Variants in PPP6R3 observed in about 807,000 individuals in gnomAD.
PPP6R3 encodes serine/threonine-protein phosphatase 6 regulatory subunit 3.
A neutral mutation model predicts 110.7 loss-of-function variants in PPP6R3; 38 were observed. The ratio of observed to expected loss-of-function variants is 0.34; its 90% CI spans 0.26 to 0.45. PPP6R3 has a LOEUF of 0.45. PPP6R3 is among the 20% of genes least tolerant of loss of function. PPP6R3 has a pLI of 1.00. For missense variants in PPP6R3, 870 were observed against 1,062.4 expected, an observed-to-expected ratio of 0.82 and a Z score of 2.52; for synonymous variants, 369 against 373.5, an observed-to-expected ratio of 0.99 and a Z score of 0.14.
At chr11:68,549,384 G>A (rs2099361932) in intron 5 of PPP6R3, among the ~76,000 whole-genome samples, 1 of 152,186 alleles carries the variant, frequency 6.6e-6, no homozygotes, top group Non-Finnish European at 1.5e-5. Flanking sequence ...TGGTGCCCAG[G>A]GCAGGGCATG....
chr11:68,498,539 A>G (rs2099031462), intron 1 of PPP6R3, among the ~76,000 whole-genome samples: 1 of 152,256 alleles, frequency 6.6e-6, no homozygotes, highest in South Asian at 2.1e-4. Flanking sequence ...GGCAGCCGGT[A>G]TTCTAACAGC....
chr11:68,475,590 G>GCCC (rs1465310486), intron 1 of PPP6R3, among the ~76,000 whole-genome samples: 3 of 147,742 alleles, frequency 2.0e-5, no homozygotes, highest in African/African-American at 7.5e-5. Flanking sequence ...GGCGGGGGCT[G>GCCC]CCCCCCACCT....
chr11:68,599,496 G>C (rs529937883), intron 19 of PPP6R3, among the ~76,000 whole-genome samples: 1 of 152,366 alleles, frequency 6.6e-6, no homozygotes, highest in Middle Eastern at 3.4e-3. Context: ...GCAGGACTTA[G>C]GAAGCCTAAC....
chr11:68,555,043 T>C (rs2099394003), intron 7 of PPP6R3, among the ~76,000 whole-genome samples: 1 of 152,214 alleles, frequency 6.6e-6, no homozygotes, highest in Non-Finnish European at 1.5e-5. Flanking sequence ...CCTGGACATA[T>C]GTAAGACAGG....
At chr11:68,543,804 A>C (rs979076522) in intron 3 of PPP6R3, among the ~76,000 whole-genome samples, 1 of 152,188 alleles carries the variant, frequency 6.6e-6, no homozygotes, top group Admixed American at 6.5e-5. Context: ...GATAGGCTCA[A>C]CGTCTCTGTT....
At chr11:68,581,722 GCCCACAT>G (rs2099555410) in intron 14 of PPP6R3, among the ~76,000 whole-genome samples, 1 of 152,210 alleles carries the variant, frequency 6.6e-6, no homozygotes, top group Admixed American at 6.5e-5. Context: ...ACATCCCCAT[GCCCACAT>G]CTTTACCCAG....
At position 68,463,538 on chromosome 11, in the gene PPP6R3, G is replaced by A. The variant is rs113398421; in HGVS notation, c.-158+2711G>A. 4.3e-3 allele frequency among the ~76,000 whole-genome samples: 653 copies of A among 152,156 alleles called. 2 individuals are homozygous for A. Among genetic ancestry groups the A allele is most frequent in the African/African-American group, 0.015 (603 of 41,510 alleles). On this transcript the variant is annotated intron_variant, in intron 1 of 23. Transcript: ENST00000393800. The stretch of plus-strand genomic sequence containing the variant: ...GCAGCCTCTGTGTGTGTTTGTGTGT[G>A]TGTGTGTTTTGGTCTAAAATTTTAC...
chr11:68,613,274 A>G lies in PPP6R3; in HGVS notation c.*157A>G. The G allele has an allele frequency of 1.4e-5, 19 of 1,383,956 alleles. No homozygotes were observed. The highest frequency in any genetic ancestry group is 1.8e-5 in the Non-Finnish European group (19 of 1,071,406). The allele number at this position is 1,383,956 out of a possible 1,614,324, so 85.7% of individuals were successfully genotyped here. On this transcript the variant is annotated 3_prime_UTR_variant, in exon 24 of 24. Coordinates refer to ENST00000393800, the MANE Select transcript of PPP6R3 (RefSeq NM_001164161.2). ...TATATTCTAGATTCTAAGACATTGTACAGAGAAATTCAGAAGTGTAAAAAT... is the reference window on the plus strand; with the variant it reads ...TATATTCTAGATTCTAAGACATTGTGCAGAGAAATTCAGAAGTGTAAAAAT...
At chr11:68,488,337 A>T (rs917237578) in intron 1 of PPP6R3, among the ~76,000 whole-genome samples, 7 of 151,998 alleles carry the variant, frequency 4.6e-5, no homozygotes, top group African/African-American at 9.7e-5. Context: ...CCAGCTAATT[A>T]AAAAAAATTT....
intron 5 of PPP6R3, among the ~76,000 whole-genome samples, 198 bp downstream of exon 5, chr11:68,548,402 G>T (rs2099357598): frequency 6.7e-6 from 1 of 150,242 alleles, no homozygotes; most frequent in African/African-American, 2.4e-5. Context: ...TAGAATTTCA[G>T]ATGGGCACAT....
At chr11:68,479,319 CTG>C (rs1233880435) in intron 1 of PPP6R3, among the ~76,000 whole-genome samples, 2 of 152,102 alleles carry the variant, frequency 1.3e-5, no homozygotes, top group Non-Finnish European at 2.9e-5. Context: ...GCGGAATAAA[CTG>C]TGTTGTGTGC....
intron 22 of PPP6R3, among the ~76,000 whole-genome samples, chr11:68,606,857 C>G (rs2153964109): frequency 6.6e-6 from 1 of 152,262 alleles, no homozygotes; most frequent in African/African-American, 2.4e-5. Flanking sequence ...ACAACCAAGT[C>G]AGTAGCAAAC....
chr11:68,497,444 G>A (rs561213245), intron 1 of PPP6R3, among the ~76,000 whole-genome samples: 2 of 151,868 alleles, frequency 1.3e-5, no homozygotes, highest in African/African-American at 4.8e-5. Flanking sequence ...CCTCGACTTC[G>A]TGGGCTCAGG....
intron 5 of PPP6R3, among the ~76,000 whole-genome samples, chr11:68,550,782 T>C (rs2099367866): frequency 6.6e-6 from 1 of 152,202 alleles, no homozygotes. Flanking sequence ...ATTCCATCCT[T>C]CTTAATCTCC....
intron 1 of PPP6R3, among the ~76,000 whole-genome samples, chr11:68,474,043 CTTTTT>C (rs34322224): frequency 1.0e-3 from 136 of 136,366 alleles, no homozygotes; most frequent in African/African-American, 3.6e-3. Context: ...AAGCAATTAC[CTTTTT>C]TTTTTTTTTT....
At chr11:68,598,087 A>G (rs575979691) in intron 19 of PPP6R3, among the ~76,000 whole-genome samples, 5 of 151,770 alleles carry the variant, frequency 3.3e-5, no homozygotes, top group Non-Finnish European at 5.9e-5. Flanking sequence ...ACAATTCCTC[A>G]TTTCTACTTC....
At chr11:68,602,876 A>G (rs1222790679) in intron 21 of PPP6R3, among the ~76,000 whole-genome samples, 1 of 152,224 alleles carries the variant, frequency 6.6e-6, no homozygotes, top group Non-Finnish European at 1.5e-5. Flanking sequence ...AGCCAGGCTC[A>G]TCACCTATGT....
chr11:68,465,463 G>T (rs2098739256), intron 1 of PPP6R3, among the ~76,000 whole-genome samples: 1 of 152,200 alleles, frequency 6.6e-6, no homozygotes, highest in African/African-American at 2.4e-5. Context: ...TGGAATGGAA[G>T]AATATTAGGA....
chr11:68,522,066 A>G (rs957013827), intron 2 of PPP6R3, among the ~76,000 whole-genome samples: 2 of 152,200 alleles, frequency 1.3e-5, no homozygotes, highest in African/African-American at 2.4e-5. Flanking sequence ...TATATTCATT[A>G]TTTGGAAGGC....
Sources: allele counts gnomAD v4.1 joint callset (sites outside exome capture counted in the v4.1 genomes callset), GRCh38; gene constraint gnomAD v4.1.1; transcripts MANE v1.5; gene names NCBI Gene and HGNC (gene_info 2026-07-23, HGNC 2026-07-21).